Variants in CLEC16A observed in about 807,000 individuals in gnomAD.
CLEC16A encodes C-type lectin domain containing 16A.
In CLEC16A, 51 loss-of-function variants were observed where a neutral mutation model predicts 109.5. The ratio of observed to expected loss-of-function variants is 0.47; its 90% confidence interval spans 0.37 to 0.59. The LOEUF (loss-of-function observed/expected upper bound fraction) is 0.59. CLEC16A is among the 20% of genes least tolerant of loss of function. CLEC16A has a pLI of 0.00. For missense variants in CLEC16A, 1,339 were observed against 1,394.0 expected (o/e 0.96, Z 0.63); for synonymous variants, 673 against 564.2 (o/e 1.19, Z -2.73).
rs111984155 is a variant in CLEC16A at position 11,129,070 on chromosome 16, C to T, written c.2641+2924C>T. Among the ~76,000 whole-genome samples, 443 of 152,320 alleles carry T rather than the reference C, an allele frequency of 2.9e-3. 2 individuals are homozygous for T. The highest frequency in any genetic ancestry group is 5.3e-3 in the Admixed American group (81 of 15,300). On this transcript the variant is annotated intron_variant, in intron 22 of 23. Transcript: ENST00000409790. The stretch of plus-strand genomic sequence containing the variant: ...GCCTCTCAGATGAAGTTCCCCCAAC[C>T]CCAAGCTCACTCTAGCCCCAACCCC...
rs78374816 is a variant in CLEC16A, at chr16:11,088,710, T to G, written c.2116+27688T>G. Among the ~76,000 whole-genome samples the G allele has an allele frequency of 6.4e-4, 98 of 152,292 alleles. 1 individual carries two copies. In the South Asian group the frequency reaches 9.7e-3, roughly 15 times the overall value. On this transcript the variant is annotated intron_variant, in intron 19 of 23. Coordinates refer to ENST00000409790, the MANE Select transcript of CLEC16A (RefSeq NM_015226.3). ...TGCTCCTTTCACAGGACCCAGAAGT[T>G]TGCCAGATCAAAACCTTAGCATTGG...
chr16:11,035,273 G>A (rs1434848310), intron 13 of CLEC16A, among the ~76,000 whole-genome samples: 1 of 152,166 alleles, frequency 6.6e-6, no homozygotes, highest in Non-Finnish European at 1.5e-5. Context: ...TTTTTGCACA[G>A]CTGTCATATG....
chr16:11,136,361 A>C (rs1448650134), intron 22 of CLEC16A: 1 of 152,262 alleles, frequency 6.6e-6, no homozygotes, highest in Non-Finnish European at 1.5e-5. Context: ...GTGTCACCTC[A>C]TTAGGCTCTT....
At chr16:11,009,009 A>T (rs1041731131) in intron 11 of CLEC16A, among the ~76,000 whole-genome samples, 10 of 152,132 alleles carry the variant, frequency 6.6e-5, no homozygotes, top group African/African-American at 2.4e-4. Flanking sequence ...AAAAAAAATA[A>T]AAAAGTACAT....
intron 13 of CLEC16A, 63 bp downstream of exon 13, chr16:11,024,984 C>T: frequency 2.6e-6 from 3 of 1,166,954 alleles, no homozygotes; most frequent in South Asian, 1.3e-5. Flanking sequence ...CATCCTTCCC[C>T]TCTGCTGCAT....
intron 22 of CLEC16A, among the ~76,000 whole-genome samples, chr16:11,137,470 T>C (rs1338658450): frequency 6.6e-6 from 1 of 151,472 alleles, no homozygotes; most frequent in South Asian, 2.1e-4. Context: ...GAAAATGAAA[T>C]GCCAGCTGGG....
intron 10 of CLEC16A, among the ~76,000 whole-genome samples, chr16:10,996,826 T>G (rs1295448585): frequency 6.6e-6 from 1 of 152,198 alleles, no homozygotes; most frequent in Non-Finnish European, 1.5e-5. Context: ...CTTCCTGCGC[T>G]TACCTGAGTC....
intron 19 of CLEC16A, chr16:11,066,427 G>A: frequency 6.5e-6 from 1 of 152,692 alleles, no homozygotes; most frequent in Non-Finnish European, 1.5e-5. Context: ...TCTGTCATCA[G>A]CAGGGCTGAT....
intron 19 of CLEC16A, among the ~76,000 whole-genome samples, chr16:11,106,369 G>C (rs2051218952): frequency 6.6e-6 from 1 of 151,730 alleles, no homozygotes; most frequent in Non-Finnish European, 1.5e-5. Flanking sequence ...GCTCACTGCA[G>C]CCTCGAACTC....
intron 18 of CLEC16A, among the ~76,000 whole-genome samples, chr16:11,055,179 T>TA (rs2048145748): frequency 6.6e-6 from 1 of 152,194 alleles, no homozygotes; most frequent in African/African-American, 2.4e-5. Context: ...CCGCTCTTTT[T>TA]ACCTAGTGAG....
chr16:10,986,181 C>T (rs2043644493), intron 10 of CLEC16A, among the ~76,000 whole-genome samples: 2 of 151,762 alleles, frequency 1.3e-5, no homozygotes, highest in Admixed American at 6.6e-5. Flanking sequence ...CAGGCGCCTG[C>T]CCCCACACCC....
intron 6 of CLEC16A, 79 bp from the exon 7 acceptor site, chr16:10,972,859 T>C: frequency 2.1e-6 from 3 of 1,455,886 alleles, no homozygotes; most frequent in Non-Finnish European, 1.8e-6. Context: ...GGGTTTTGCT[T>C]TGTTTTTGTT....
chr16:11,007,310 G>A (rs534007269), intron 11 of CLEC16A, among the ~76,000 whole-genome samples: 2 of 148,146 alleles, frequency 1.4e-5, no homozygotes, highest in South Asian at 4.3e-4. Context: ...GACCCATCTT[G>A]CCTTTTTCTT....
At position 11,095,836 on chromosome 16, in the gene CLEC16A, A is replaced by G. The variant is rs939947161; in HGVS notation, c.2117-24779A>G. Reference sequence around the variant, plus strand: ...CAAAAAGAAAAAAAAAAAAAAAAAAAAGGGAGCTAGAAGCGTAGCTGTAGC... The same window carrying G: ...CAAAAAGAAAAAAAAAAAAAAAAAAGAGGGAGCTAGAAGCGTAGCTGTAGC... On this transcript the variant is annotated intron_variant, in intron 19 of 23. Coordinates refer to ENST00000409790, the MANE Select transcript of CLEC16A (RefSeq NM_015226.3). 4.1e-5 allele frequency among the ~76,000 whole-genome samples: 6 copies of G among 147,498 alleles called. No homozygotes were observed. In the Admixed American group the frequency reaches 4.1e-4, roughly 10 times the overall value.
At position 11,160,604 on chromosome 16, in the gene CLEC16A, C is replaced by T. The variant is rs186392637; in HGVS notation, c.2642-5784C>T. ...GCACCAAAAACTCTGGGAGCCAGCC[C>T]GTCCCTTGTCCCTAGGGGACTTAAC... On this transcript the variant is annotated intron_variant, in intron 22 of 23. Transcript: ENST00000409790. 6.6e-4 allele frequency among the ~76,000 whole-genome samples: 100 copies of T among 152,308 alleles called. 1 individual carries two copies. The highest frequency in any genetic ancestry group is 3.4e-3 in the Middle Eastern group (1 of 294).
At chr16:11,137,684 C>T (rs2153060678) in intron 22 of CLEC16A, among the ~76,000 whole-genome samples, 1 of 151,674 alleles carries the variant, frequency 6.6e-6, no homozygotes, top group Non-Finnish European at 1.5e-5. Flanking sequence ...TGGTGTGTGC[C>T]TGTAGTCCCA....
intron 13 of CLEC16A, among the ~76,000 whole-genome samples, chr16:11,037,766 C>T (rs906757676): frequency 1.3e-5 from 2 of 151,862 alleles, no homozygotes; most frequent in Non-Finnish European, 2.9e-5. Flanking sequence ...CACAGAGGAG[C>T]TTTTATTCCC....
At chr16:11,108,214 C>A (rs1311297226) in intron 19 of CLEC16A, among the ~76,000 whole-genome samples, 1 of 152,238 alleles carries the variant, frequency 6.6e-6, no homozygotes, top group Admixed American at 6.5e-5. Flanking sequence ...CTGAAAAGAG[C>A]CCAAGGGGCG....
chr16:11,111,907 G>A (rs11644969), intron 19 of CLEC16A, among the ~76,000 whole-genome samples: 10,457 of 152,280 alleles, frequency 0.069, 371 homozygotes, highest in East Asian at 0.12. Context: ...TTAAGCATAA[G>A]CTCTCCTTTG....
Sources: allele counts gnomAD v4.1 joint callset (sites outside exome capture counted in the v4.1 genomes callset), GRCh38; gene constraint gnomAD v4.1.1; transcripts MANE v1.5; gene names NCBI Gene and HGNC (gene_info 2026-07-23, HGNC 2026-07-21).